Variants in GRM5 observed in about 807,000 individuals in gnomAD.
GRM5 encodes the protein metabotropic glutamate receptor 5.
In GRM5, 19 loss-of-function variants were observed where a neutral mutation model predicts 83.1. That is an observed-to-expected ratio of 0.23 (90% CI 0.16 to 0.34). The LOEUF is 0.34. Ranked by LOEUF, GRM5 falls within the 10% of genes least tolerant of loss-of-function variation. GRM5 has a pLI of 1.00. For missense variants in GRM5, 1,160 were observed against 1,588.3 expected, an observed-to-expected ratio of 0.73 and a Z score of 4.58; for synonymous variants, 675 against 633.6, an observed-to-expected ratio of 1.07 and a Z score of -0.98.
chr11:88,636,886 G>T (rs1396624611), intron 4 of GRM5, among the ~76,000 whole-genome samples: 1 of 152,026 alleles, frequency 6.6e-6, no homozygotes, highest in Admixed American at 6.6e-5. Flanking sequence ...ATTTCTGAGG[G>T]CTCTGTTCTG....
chr11:89,018,898 A>G (rs1367003186), intron 2 of GRM5, among the ~76,000 whole-genome samples: 1 of 152,218 alleles, frequency 6.6e-6, no homozygotes, highest in Non-Finnish European at 1.5e-5. Flanking sequence ...TCCTGCTAAC[A>G]TCTTGCTTTA....
intron 2 of GRM5, among the ~76,000 whole-genome samples, chr11:88,999,275 A>G (rs1468714803): frequency 6.6e-6 from 1 of 152,250 alleles, no homozygotes; most frequent in East Asian, 1.9e-4. Flanking sequence ...GCACAGCAAA[A>G]GAAACTACCA....
chr11:88,832,003 A>G (rs971026533), intron 3 of GRM5, among the ~76,000 whole-genome samples: 1 of 152,226 alleles, frequency 6.6e-6, no homozygotes, highest in African/African-American at 2.4e-5. Flanking sequence ...CCTGAGGACT[A>G]TCTCAGTGGA....
chr11:88,812,505 T>C (rs895545292), intron 3 of GRM5, among the ~76,000 whole-genome samples: 4 of 152,160 alleles, frequency 2.6e-5, no homozygotes, highest in African/African-American at 9.6e-5. Context: ...ACCAGGTCTT[T>C]TGACTTAATT....
At chr11:88,564,488 T>C (rs536074911) in intron 8 of GRM5, among the ~76,000 whole-genome samples, 1 of 152,322 alleles carries the variant, frequency 6.6e-6, no homozygotes, top group East Asian at 1.9e-4. Context: ...AAGGGATCAG[T>C]GATCCGATTC....
intron 2 of GRM5, among the ~76,000 whole-genome samples, chr11:88,978,503 A>C (rs1384563768): frequency 1.6e-4 from 13 of 80,634 alleles, no homozygotes; most frequent in Non-Finnish European, 2.6e-4. Flanking sequence ...AAAAAAAAAA[A>C]AAAAAAAAAA....
chr11:88,948,091 T>G (rs1457234593), intron 2 of GRM5, among the ~76,000 whole-genome samples: 5 of 152,102 alleles, frequency 3.3e-5, no homozygotes, highest in African/African-American at 1.2e-4. Flanking sequence ...CAACCTAACC[T>G]AATCTCAGCC....
intron 2 of GRM5, chr11:88,911,884 T>G (rs1945505823): frequency 2.7e-6 from 1 of 366,118 alleles, no homozygotes; most frequent in Admixed American, 3.9e-5. Context: ...AAAAAGTCCC[T>G]CTTTTGGAAA....
At chr11:88,761,022 C>A (rs1942502912) in intron 3 of GRM5, among the ~76,000 whole-genome samples, 1 of 152,006 alleles carries the variant, frequency 6.6e-6, no homozygotes, top group African/African-American at 2.4e-5. Flanking sequence ...TGTTAAAAAA[C>A]CCTTAATAAA....
In GRM5 at chr11:88,791,301, A is replaced by G. The variant is rs147499110; in HGVS notation, c.911+58605T>C. Among the ~76,000 whole-genome samples the G allele has an allele frequency of 4.9e-3, 742 of 152,326 alleles. 3 individuals carry two copies. Among genetic ancestry groups the G allele is most frequent in the Non-Finnish European group, 7.4e-3 (502 of 68,016 alleles). ...GGAAATGTCATATAAGCAGCTGAAT[A>G]TGCAGGTGAATACGTTAGGAGAGAA... is the stretch of plus-strand genomic sequence containing the variant. On this transcript the variant is annotated intron_variant, in intron 3 of 9. Transcript: ENST00000305447.
chr11:88,756,110 C>T (rs924573917), intron 3 of GRM5, among the ~76,000 whole-genome samples: 13 of 152,142 alleles, frequency 8.5e-5, no homozygotes, highest in Non-Finnish European at 1.5e-4. Context: ...AAATTTTTGC[C>T]TCCAATAGAC....
intron 2 of GRM5, among the ~76,000 whole-genome samples, chr11:88,946,509 T>C (rs188872867): frequency 6.6e-4 from 101 of 152,238 alleles, no homozygotes; most frequent in Middle Eastern, 3.4e-3. Flanking sequence ...TTATGTTCTT[T>C]GCAGCATCAT....
At chr11:88,994,444 AT>A (rs1189579621) in intron 2 of GRM5, among the ~76,000 whole-genome samples, 1 of 99,616 alleles carries the variant, frequency 1.0e-5, no homozygotes, top group Non-Finnish European at 1.9e-5. Flanking sequence ...ACTTTAACTG[AT>A]TATATATATA....
At chr11:88,826,736 A>C (rs1943900490) in intron 3 of GRM5, among the ~76,000 whole-genome samples, 1 of 152,206 alleles carries the variant, frequency 6.6e-6, no homozygotes, top group Non-Finnish European at 1.5e-5. Flanking sequence ...ATATTGCCTC[A>C]GAATGCATGG....
At chr11:88,805,085 G>C (rs563376868) in intron 3 of GRM5, among the ~76,000 whole-genome samples, 2 of 152,262 alleles carry the variant, frequency 1.3e-5, no homozygotes, top group East Asian at 3.9e-4. Flanking sequence ...TGCAACCCTA[G>C]CAGGCAGTTT....
At chr11:88,984,706 T>C (rs746792029) in intron 2 of GRM5, 7 of 633,120 alleles carry the variant, frequency 1.1e-5, no homozygotes, top group Admixed American at 2.7e-5. Context: ...TAAAAGTTTA[T>C]GTAACATTCA....
chr11:88,722,297 G>A (rs1423714989), intron 3 of GRM5, among the ~76,000 whole-genome samples: 1 of 152,140 alleles, frequency 6.6e-6, no homozygotes, highest in Non-Finnish European at 1.5e-5. Context: ...AGGATGCCCT[G>A]ATGACCTGGT....
At chr11:88,793,271 AT>A (rs1943211770) in intron 3 of GRM5, among the ~76,000 whole-genome samples, 3 of 152,090 alleles carry the variant, frequency 2.0e-5, no homozygotes, top group Admixed American at 2.0e-4. Context: ...TATGAACTGT[AT>A]TTTTTCATTG....
intron 3 of GRM5, among the ~76,000 whole-genome samples, chr11:88,752,945 C>A (rs972878775): frequency 1.3e-5 from 2 of 152,054 alleles, no homozygotes; most frequent in Admixed American, 1.3e-4. Context: ...ACACCATATG[C>A]AAAAATTAAT....
Sources: gnomAD v4.1 joint callset for allele counts (sites outside exome capture counted in the v4.1 genomes callset) on GRCh38, gnomAD v4.1.1 for gene constraint, MANE v1.5 for transcripts, NCBI Gene and HGNC (gene_info 2026-07-23, HGNC 2026-07-21) for gene names.